The following SERPINB7 variants were observed in gnomAD, a reference collection of about 807,000 sequenced individuals.
The protein encoded by SERPINB7 is serpin B7.
A neutral mutation model predicts 37.4 loss-of-function variants in SERPINB7; 31 were observed. The observed-to-expected ratio is 0.83, with a 90% confidence interval of 0.62 to 1.12. SERPINB7 has a LOEUF of 1.12. Ranked by LOEUF, SERPINB7 falls within the 50% of genes most tolerant of loss-of-function variation. The pLI is 0.00. For synonymous variants in SERPINB7, 163 were observed against 166.1 expected (o/e 0.98, Z 0.14); for missense variants, 521 against 455.3 (o/e 1.14, Z -1.31).
At chr18:63,786,243 C>T (rs867132595) in intron 2 of SERPINB7, among the ~76,000 whole-genome samples, 22 of 145,484 alleles carry the variant, frequency 1.5e-4, no homozygotes, top group African/African-American at 4.6e-4. Context: ...TACACACACA[C>T]ACATCCACAC....
In SERPINB7 at chr18:63,794,110, ATTTTTTTT is replaced by A. The variant is rs34450022; in HGVS notation, c.336+849_336+856del. On this transcript the variant is annotated intron_variant, in intron 4 of 7. Transcript: ENST00000398019. ...AGGCACGTGCCACCACATCCTGCTA[ATTTTTTTT>A]TTTTTTTTTTTTTTTGTATTTTTAG... 8.1e-4 allele frequency among the ~76,000 whole-genome samples: 86 copies of A among 105,556 alleles called. 1 individual carries two copies. The highest frequency in any genetic ancestry group is 2.0e-3 in the African/African-American group (54 of 26,382). 69.2% of individuals were successfully genotyped at this position (105,556 alleles called of 152,430 possible).
chr18:63,766,688 T>C (rs571494715), intron 1 of SERPINB7, among the ~76,000 whole-genome samples: 1 of 152,118 alleles, frequency 6.6e-6, no homozygotes, highest in Non-Finnish European at 1.5e-5. Flanking sequence ...GCAAACAAGA[T>C]GACTTATGAT....
At chr18:63,802,811 CAT>C (rs1379101172) in intron 7 of SERPINB7, among the ~76,000 whole-genome samples, 2 of 152,120 alleles carry the variant, frequency 1.3e-5, no homozygotes, top group African/African-American at 4.8e-5. Context: ...ACACTTTCTG[CAT>C]AGACAAAGAT....
chr18:63,802,810 G>A (rs2049564104), intron 7 of SERPINB7, among the ~76,000 whole-genome samples: 1 of 152,160 alleles, frequency 6.6e-6, no homozygotes, highest in African/African-American at 2.4e-5. Flanking sequence ...GACACTTTCT[G>A]CATAGACAAA....
chr18:63,781,681 G>C (rs538004610), intron 1 of SERPINB7, among the ~76,000 whole-genome samples: 44 of 152,246 alleles, frequency 2.9e-4, no homozygotes, highest in African/African-American at 9.9e-4. Flanking sequence ...CTTTGTTACT[G>C]CACCCTGGGT....
chr18:63,773,517 T>C (rs1260683788), upstream of SERPINB7, among the ~76,000 whole-genome samples: 2 of 152,094 alleles, frequency 1.3e-5, no homozygotes, highest in African/African-American at 4.8e-5. Context: ...CAGAGCTCTA[T>C]GTAACCAGAG....
intron 7 of SERPINB7, among the ~76,000 whole-genome samples, chr18:63,801,636 A>G (rs1255728009): frequency 3.9e-5 from 6 of 152,120 alleles, no homozygotes; most frequent in Non-Finnish European, 8.8e-5. Context: ...GGGAATGAGC[A>G]CTGTTGATTG....
At chr18:63,754,414 C>T (rs1469526770) in intron 1 of SERPINB7, among the ~76,000 whole-genome samples, 2 of 152,194 alleles carry the variant, frequency 1.3e-5, no homozygotes, top group African/African-American at 4.8e-5. Context: ...GTTTTCCTGT[C>T]TGAACTTGGT....
chr18:63,762,617 C>A (rs2049160364), intron 1 of SERPINB7, among the ~76,000 whole-genome samples: 1 of 152,190 alleles, frequency 6.6e-6, no homozygotes, highest in African/African-American at 2.4e-5. Flanking sequence ...CTTATTTCCC[C>A]CCCATGATAG....
At chr18:63,800,159 T>A (rs369410162) in intron 6 of SERPINB7, among the ~76,000 whole-genome samples, 1 of 152,008 alleles carries the variant, frequency 6.6e-6, no homozygotes, top group East Asian at 1.9e-4. Context: ...GCTCAGGTGG[T>A]CCTCCCACCT....
intron 1 of SERPINB7, among the ~76,000 whole-genome samples, chr18:63,760,699 A>T (rs2049148575): frequency 6.6e-6 from 1 of 152,194 alleles, no homozygotes; most frequent in African/African-American, 2.4e-5. Flanking sequence ...CTGCTCCAGC[A>T]GTGGCTGAAA....
intron 1 of SERPINB7, among the ~76,000 whole-genome samples, chr18:63,761,616 A>G (rs2049154338): frequency 6.6e-6 from 1 of 152,144 alleles, no homozygotes; most frequent in Non-Finnish European, 1.5e-5. Flanking sequence ...ATGTTGTGGG[A>G]GGGACCCAGG....
At chr18:63,802,182 G>A (rs1364976495) in intron 7 of SERPINB7, among the ~76,000 whole-genome samples, 2 of 152,204 alleles carry the variant, frequency 1.3e-5, no homozygotes, top group African/African-American at 2.4e-5. Context: ...TGTGTCTCAA[G>A]TGAAAAGCAC....
chr18:63,797,047 C>G (rs1180608097), intron 5 of SERPINB7, among the ~76,000 whole-genome samples: 6 of 152,156 alleles, frequency 3.9e-5, no homozygotes, highest in Admixed American at 3.9e-4. Context: ...TGGTAAGTCT[C>G]TGTCACAACT....
chr18:63,804,154 A>AT, intron 7 of SERPINB7, 83 bp from the exon 8 acceptor site: 1 of 1,031,584 alleles, frequency 9.7e-7, no homozygotes, highest in Non-Finnish European at 1.4e-6. Flanking sequence ...CGATAATTAT[A>AT]GAAAACTATG....
intron 1 of SERPINB7, among the ~76,000 whole-genome samples, chr18:63,776,304 C>T (rs1490651073): frequency 1.3e-5 from 2 of 152,008 alleles, no homozygotes; most frequent in East Asian, 3.9e-4. Flanking sequence ...CTTTCACCAA[C>T]AAAACCTCCC....
chr18:63,755,426 T>C (rs1324445649), intron 1 of SERPINB7, among the ~76,000 whole-genome samples: 2 of 152,316 alleles, frequency 1.3e-5, no homozygotes, highest in East Asian at 3.9e-4. Context: ...AACATGAAAC[T>C]GAGCTTAGTT....
chr18:63,790,407 G>T (rs1178631542), intron 2 of SERPINB7, among the ~76,000 whole-genome samples: 1 of 152,148 alleles, frequency 6.6e-6, no homozygotes, highest in Non-Finnish European at 1.5e-5. Context: ...TGGGGAGGAA[G>T]CATTTAATCA....
chr18:63,763,859 C>G (rs1360297548), intron 1 of SERPINB7, among the ~76,000 whole-genome samples: 1 of 152,170 alleles, frequency 6.6e-6, no homozygotes, highest in Non-Finnish European at 1.5e-5. Context: ...TTTCTAATGT[C>G]TTAAATCCTA....
Sources: allele counts gnomAD v4.1 joint callset (sites outside exome capture counted in the v4.1 genomes callset), GRCh38; gene constraint gnomAD v4.1.1; transcripts MANE v1.5; gene names NCBI Gene and HGNC (gene_info 2026-07-23, HGNC 2026-07-21).